The following EEA1 variants were observed in gnomAD, a reference collection of about 807,000 sequenced individuals.
The protein encoded by EEA1 is early endosome antigen 1.
In EEA1, 111 loss-of-function variants were observed where a neutral mutation model predicts 209.2. That is an observed-to-expected ratio of 0.53 (90% CI 0.45 to 0.62). EEA1 has a LOEUF of 0.62. Ranked by LOEUF, EEA1 falls within the 20% of genes least tolerant of loss-of-function variation. The pLI is 0.00. For missense variants in EEA1, 1,343 were observed against 1,530.8 expected (o/e 0.88, Z 2.05); for synonymous variants, 536 against 540.6 (o/e 0.99, Z 0.12).
intron 2 of EEA1, among the ~76,000 whole-genome samples, chr12:92,867,227 T>G (rs746335020): frequency 6.6e-6 from 1 of 152,184 alleles, no homozygotes. Flanking sequence ...TGCGTTTCCC[T>G]GAGCACGCCA....
chr12:92,906,052 G>A (rs1207055877), intron 1 of EEA1, among the ~76,000 whole-genome samples: 1 of 151,258 alleles, frequency 6.6e-6, no homozygotes, highest in East Asian at 1.9e-4. Context: ...GACTACAGAT[G>A]AGTGCCACCA....
chr12:92,866,824 T>G (rs949294346), intron 2 of EEA1, among the ~76,000 whole-genome samples: 12 of 152,272 alleles, frequency 7.9e-5, no homozygotes, highest in Admixed American at 6.5e-4. Flanking sequence ...AACGCCCACC[T>G]TTCACCTAAA....
chr12:92,855,316 G>C (rs2136712694), intron 5 of EEA1, among the ~76,000 whole-genome samples: 1 of 152,250 alleles, frequency 6.6e-6, no homozygotes, highest in African/African-American at 2.4e-5. Flanking sequence ...TGTAGTCCCA[G>C]CTACTAGGAA....
intron 1 of EEA1, among the ~76,000 whole-genome samples, chr12:92,921,119 G>A (rs1328582242): frequency 2.0e-5 from 3 of 151,968 alleles, no homozygotes; most frequent in Admixed American, 1.3e-4. Flanking sequence ...GAGAGGATGT[G>A]GAGAAATAGG....
chr12:92,878,570 C>A (rs991877386), intron 2 of EEA1, among the ~76,000 whole-genome samples: 20 of 151,990 alleles, frequency 1.3e-4, no homozygotes, highest in African/African-American at 4.6e-4. Context: ...TATTAAAGTC[C>A]TAAGCTTCCA....
chr12:92,827,638 G>A (rs1876379622), intron 12 of EEA1, among the ~76,000 whole-genome samples: 1 of 152,146 alleles, frequency 6.6e-6, no homozygotes, highest in African/African-American at 2.4e-5. Flanking sequence ...TCCTGAGTAG[G>A]AAGACTCTAG....
intron 5 of EEA1, among the ~76,000 whole-genome samples, chr12:92,854,289 ATACT>A (rs1199967458): frequency 6.6e-6 from 1 of 152,226 alleles, no homozygotes. Flanking sequence ...TCTAAAACAA[ATACT>A]TAAGTCAACT....
At chr12:92,844,858 T>C (rs1283419637) in intron 9 of EEA1, among the ~76,000 whole-genome samples, 2 of 152,212 alleles carry the variant, frequency 1.3e-5, no homozygotes, top group African/African-American at 4.8e-5. Context: ...TCTCATTAAA[T>C]ATCATGATTT....
intron 1 of EEA1, among the ~76,000 whole-genome samples, chr12:92,913,780 C>T (rs1880666124): frequency 6.6e-6 from 1 of 152,216 alleles, no homozygotes; most frequent in Admixed American, 6.5e-5. Context: ...CCTGCCTCAG[C>T]CTCCCAAGTA....
chr12:92,875,996 C>G (rs1425655190), intron 2 of EEA1, among the ~76,000 whole-genome samples: 1 of 152,120 alleles, frequency 6.6e-6, no homozygotes, highest in Non-Finnish European at 1.5e-5. Flanking sequence ...AAAATTGCAG[C>G]CACCAAGAAC....
In EEA1 at chr12:92,929,154, C is replaced by A. The variant is rs1881332225; in HGVS notation, c.-88G>T. On this transcript the variant is annotated 5_prime_UTR_variant, in exon 1 of 29. Coordinates refer to ENST00000322349, the MANE Select transcript of EEA1 (RefSeq NM_003566.4). ...ACTCGGGGTGCGCGGGCGGGAGGGA[C>A]TGGGCCGGGAGGGGACCGGGAAGGA... 5 of 1,328,188 alleles carry A rather than the reference C, an allele frequency of 3.8e-6. No homozygotes were observed. In the Admixed American group the frequency reaches 6.6e-5, roughly 17 times the overall value. The allele number at this position is 1,328,188 out of a possible 1,614,324, so 82.3% of individuals were successfully genotyped here.
In EEA1 at chr12:92,781,986, C is replaced by A. The variant is rs761875120; in HGVS notation, c.3300G>T (p.Glu1100Asp). The change falls in exon 23 of 29, where the codon GAG becomes GAT. Residue 1100 changes from glutamate to aspartate, a missense_variant. Glu to Asp is a conservative substitution (Grantham distance 45). Transcript: ENST00000322349. ...GAATGTCTTGTAGTGCTTTACATCG[C>A]TCCTGCAATTGCTGTTCTTTCTTTG... is the stretch of plus-strand genomic sequence containing the variant. ...DSAKKEQQLQERCKALQDIQK... is the reference protein window; with the variant it reads ...DSAKKEQQLQDRCKALQDIQK... The A allele has an allele frequency of 8.1e-6, 13 of 1,613,230 alleles. No homozygotes were observed. In the East Asian group the frequency reaches 2.5e-4, roughly 30 times the overall value.
At chr12:92,809,791 T>A (rs925310673) in intron 17 of EEA1, among the ~76,000 whole-genome samples, 11 of 152,022 alleles carry the variant, frequency 7.2e-5, no homozygotes, top group African/African-American at 2.7e-4. Flanking sequence ...TTAACTCAAG[T>A]ATGAAAAAAT....
intron 1 of EEA1, among the ~76,000 whole-genome samples, chr12:92,922,574 C>A (rs1298607276): frequency 6.6e-6 from 1 of 152,182 alleles, no homozygotes; most frequent in Non-Finnish European, 1.5e-5. Context: ...TCTACAGGGC[C>A]AACAAGTAGT....
At chr12:92,878,230 T>C (rs1878995917) in intron 2 of EEA1, among the ~76,000 whole-genome samples, 1 of 152,072 alleles carries the variant, frequency 6.6e-6, no homozygotes. Context: ...GCAAGACCCC[T>C]CGCTACAAGA....
intron 2 of EEA1, among the ~76,000 whole-genome samples, chr12:92,883,312 T>C (rs935971630): frequency 1.3e-5 from 2 of 152,214 alleles, no homozygotes; most frequent in Admixed American, 6.5e-5. Context: ...AGACCTTTGA[T>C]ATCTGCAAAC....
chr12:92,877,147 T>TTTTTTTTTTTTTG (rs1878942286), intron 2 of EEA1, among the ~76,000 whole-genome samples: 1 of 149,978 alleles, frequency 6.7e-6, no homozygotes, highest in Non-Finnish European at 1.5e-5. Flanking sequence ...TTTTTTTTTT[T>TTTTTTTTTTTTTG]TTTGTATTTT....
intron 18 of EEA1, among the ~76,000 whole-genome samples, chr12:92,806,040 T>C (rs1351899110): frequency 6.6e-6 from 1 of 152,036 alleles, no homozygotes; most frequent in Non-Finnish European, 1.5e-5. Context: ...ATCTTACATC[T>C]AGCATTGACA....
At chr12:92,893,147 T>G (rs1453426323) in intron 1 of EEA1, among the ~76,000 whole-genome samples, 3 of 152,236 alleles carry the variant, frequency 2.0e-5, no homozygotes, top group Admixed American at 6.5e-5. Flanking sequence ...TATCATTCAT[T>G]AAAATCTAGG....
Sources: allele counts gnomAD v4.1 joint callset (sites outside exome capture counted in the v4.1 genomes callset), GRCh38; gene constraint gnomAD v4.1.1; transcripts MANE v1.5; gene names NCBI Gene and HGNC (gene_info 2026-07-23, HGNC 2026-07-21).